The following SRGAP3 variants were observed in gnomAD, a reference collection of about 807,000 sequenced individuals.
The protein encoded by SRGAP3 is SLIT-ROBO Rho GTPase activating protein 3.
A neutral mutation model predicts 121.1 loss-of-function variants in SRGAP3; 39 were observed. That is an observed-to-expected ratio of 0.32 (90% CI 0.25 to 0.42). The LOEUF (loss-of-function observed/expected upper bound fraction) is 0.42. Ranked by LOEUF, SRGAP3 falls within the 10% of genes least tolerant of loss-of-function variation. The probability of loss-of-function intolerance (pLI) is 1.00; values close to 1 mark genes in which losing one functional copy is unlikely to be tolerated. For missense variants in SRGAP3, 1,213 were observed against 1,470.6 expected (o/e 0.82, Z 2.86); for synonymous variants, 601 against 570.0 (o/e 1.05, Z -0.77).
chr3:9,082,547 G>C (rs976631016), intron 3 of SRGAP3, among the ~76,000 whole-genome samples: 2 of 152,212 alleles, frequency 1.3e-5, no homozygotes, highest in African/African-American at 4.8e-5. Context: ...CCAGTCTACG[G>C]TATTTTGTTA....
At chr3:9,343,280 T>C (rs906892236) in intron 1 of SRGAP3, among the ~76,000 whole-genome samples, 3 of 152,204 alleles carry the variant, frequency 2.0e-5, no homozygotes, top group African/African-American at 7.2e-5. Flanking sequence ...CCAATTTTAT[T>C]ATTGACTTGA....
At position 9,029,311 on chromosome 3, in the gene SRGAP3, A is replaced by G. The variant is rs113300739; in HGVS notation, c.1540-2316T>C. Among the ~76,000 whole-genome samples, 1,511 of 152,328 alleles carry G rather than the reference A, an allele frequency of 9.9e-3. 12 individuals carry two copies. Among genetic ancestry groups the G allele is most frequent in the African/African-American group, 0.034 (1,412 of 41,566 alleles). On this transcript the variant is annotated intron_variant, in intron 12 of 21. Transcript: ENST00000383836. ...TTGTCATGCTTATTTTACAGAAACA[A>G]GAAGAGGATTCTCCCCTTGTCCCAG...
chr3:9,250,881 G>T (rs749672792), upstream of SRGAP3, among the ~76,000 whole-genome samples: 6 of 152,228 alleles, frequency 3.9e-5, no homozygotes, highest in South Asian at 2.1e-4. Flanking sequence ...TAAAAACTGA[G>T]TCAAGCACTA....
chr3:9,011,837 C>T (rs1426983768), intron 17 of SRGAP3, among the ~76,000 whole-genome samples: 1 of 152,122 alleles, frequency 6.6e-6, no homozygotes, highest in Non-Finnish European at 1.5e-5. Context: ...TCCAAAATTA[C>T]CATGTAATTA....
chr3:9,070,952 G>A (rs1027426533), intron 4 of SRGAP3, among the ~76,000 whole-genome samples: 2 of 152,194 alleles, frequency 1.3e-5, no homozygotes, highest in East Asian at 3.8e-4. Context: ...GGCACCATAG[G>A]AAGGCTTCCC....
intron 1 of SRGAP3, chr3:9,192,436 T>C (rs1237963690): frequency 6.6e-6 from 1 of 152,192 alleles, no homozygotes; most frequent in Non-Finnish European, 1.5e-5. Context: ...GGGTGACTCA[T>C]ACCTCCGTGA....
rs777692120 is a variant in SRGAP3, at chr3:9,013,491, A to G, written c.1964T>C (p.Leu655Pro). 6.2e-7 allele frequency: 1 copy of G among 1,614,134 alleles called. No homozygotes were observed. The highest frequency in any genetic ancestry group is 8.5e-7 in the Non-Finnish European group (1 of 1,180,018). ...GAGGGTAGGCCCGAAGCAGATGGCC[A>G]GGTTGTAGGGATCCATCATGTTCTC... ...SDENMMDPYN[L>P]AICFGPTLMH... The change falls in exon 17 of 22, where the codon CTG (leucine) becomes CCG (proline). Residue 655 changes from leucine (L) to proline (P), a missense_variant. Coordinates refer to ENST00000383836, the MANE Select transcript of SRGAP3 (RefSeq NM_014850.4).
intron 12 of SRGAP3, among the ~76,000 whole-genome samples, chr3:9,032,172 C>T (rs931609058): frequency 4.6e-5 from 7 of 152,090 alleles, no homozygotes; most frequent in Non-Finnish European, 1.0e-4. Flanking sequence ...GTATGTGTTT[C>T]CTTTGCTGGT....
chr3:9,285,393 G>A (rs963522614), intron 3 of SRGAP3, among the ~76,000 whole-genome samples: 3 of 152,126 alleles, frequency 2.0e-5, no homozygotes, highest in East Asian at 1.9e-4. Context: ...CTCTGACCCC[G>A]CTTTTCTCTT....
intron 1 of SRGAP3, among the ~76,000 whole-genome samples, chr3:9,168,044 G>C (rs1384851112): frequency 1.3e-5 from 2 of 152,226 alleles, no homozygotes; most frequent in African/African-American, 4.8e-5. Flanking sequence ...CTATGCGGTA[G>C]GTGACACTCT....
intron 9 of SRGAP3, among the ~76,000 whole-genome samples, chr3:9,049,961 T>C (rs1464501432): frequency 6.6e-6 from 1 of 151,054 alleles, no homozygotes; most frequent in Non-Finnish European, 1.5e-5. Flanking sequence ...GACCTCAGCC[T>C]CCCAAGTAGC....
At chr3:9,128,330 C>A (rs1949317739) in intron 1 of SRGAP3, among the ~76,000 whole-genome samples, 1 of 152,098 alleles carries the variant, frequency 6.6e-6, no homozygotes, top group Non-Finnish European at 1.5e-5. Flanking sequence ...AAAGGAAGAT[C>A]CTTAGAGTTC....
chr3:9,332,917 A>G (rs930088217), intron 1 of SRGAP3, among the ~76,000 whole-genome samples: 12 of 152,198 alleles, frequency 7.9e-5, no homozygotes, highest in Non-Finnish European at 1.3e-4. Context: ...ATGGCTCCAC[A>G]CTAGAAAATC....
rs866775157 is a variant in SRGAP3, at chr3:9,060,363, G to A, written c.673-4C>T. On this transcript the variant is annotated splice_polypyrimidine_tract_variant and splice_region_variant and intron_variant, in intron 5 of 21. Coordinates refer to ENST00000383836, the MANE Select transcript of SRGAP3 (RefSeq NM_014850.4). ...TCTCAGAGTACTTGGCCTGCCTCTGGAAGAAGAAAAGAGTAGATGTAAGAG... is the reference window on the plus strand; with the variant it reads ...TCTCAGAGTACTTGGCCTGCCTCTGAAAGAAGAAAAGAGTAGATGTAAGAG... The A allele has an allele frequency of 6.2e-7, 1 of 1,612,574 alleles. No homozygotes were observed. The highest frequency in any genetic ancestry group is 1.3e-5 in the African/African-American group (1 of 74,750).
intron 2 of SRGAP3, among the ~76,000 whole-genome samples, chr3:9,106,874 C>G (rs929376155): frequency 2.6e-5 from 4 of 151,964 alleles, no homozygotes; most frequent in African/African-American, 9.7e-5. Context: ...TCCACCTCCC[C>G]AAAGCCAAGC....
chr3:9,324,953 T>A (rs1955493890), intron 3 of SRGAP3, among the ~76,000 whole-genome samples: 1 of 149,480 alleles, frequency 6.7e-6, no homozygotes, highest in Admixed American at 6.6e-5. Context: ...CCAGACTCCA[T>A]CTCAAAAAAA....
At chr3:9,079,826 GC>G (rs1947155798) in intron 4 of SRGAP3, among the ~76,000 whole-genome samples, 198 bp downstream of exon 4, 1 of 152,232 alleles carries the variant, frequency 6.6e-6, no homozygotes, top group Non-Finnish European at 1.5e-5. Context: ...ACAAGCCCAG[GC>G]CCTGCCCCAG....
At chr3:8,999,559 TC>T (rs1942624073) in intron 18 of SRGAP3, among the ~76,000 whole-genome samples, 1 of 152,074 alleles carries the variant, frequency 6.6e-6, no homozygotes, top group Non-Finnish European at 1.5e-5. Flanking sequence ...CCCTACTTCA[TC>T]CCCAGAAGTG....
At chr3:9,078,958 G>T (rs1447665458) in intron 4 of SRGAP3, among the ~76,000 whole-genome samples, 1 of 152,178 alleles carries the variant, frequency 6.6e-6, no homozygotes, top group Non-Finnish European at 1.5e-5. Flanking sequence ...AGCTTGTTGG[G>T]ATCTGAGGCA....
Sources: allele counts gnomAD v4.1 joint callset (sites outside exome capture counted in the v4.1 genomes callset), GRCh38; gene constraint gnomAD v4.1.1; transcripts MANE v1.5; gene names NCBI Gene and HGNC (gene_info 2026-07-23, HGNC 2026-07-21).